Variants in AKAP9 observed in about 807,000 individuals in gnomAD.
The protein encoded by AKAP9 is A-kinase anchor protein 9.
Under a neutral mutation model 488.5 loss-of-function variants are expected in AKAP9, and 311 were observed. That is an observed-to-expected ratio of 0.64 (90% CI 0.58 to 0.70). The LOEUF (loss-of-function observed/expected upper bound fraction) is 0.70. Ranked by LOEUF, AKAP9 falls within the 30% of genes least tolerant of loss-of-function variation. The pLI is 0.00. For missense variants in AKAP9, 4,215 were observed against 4,374.5 expected (o/e 0.96, Z 1.03); for synonymous variants, 1,462 against 1,483.5 (o/e 0.99, Z 0.33).
rs540326047 is a variant in AKAP9, at chr7:92,072,722, C to G, written c.6612+1713C>G. On this transcript the variant is annotated intron_variant, in intron 28 of 49. Transcript: ENST00000356239. ...AATAGAAGGATTTTAGAAAAAGATA[C>G]GTTCCATAGGTTTTAGCTCTCTGTA... 7.3e-5 allele frequency among the ~76,000 whole-genome samples: 11 copies of G among 151,694 alleles called. No homozygotes were observed. In the East Asian group the frequency reaches 1.7e-3, roughly 24 times the overall value.
chr7:92,041,224 T>C (rs1806060374), intron 18 of AKAP9: 1 of 265,234 alleles, frequency 3.8e-6, no homozygotes, highest in Non-Finnish European at 7.2e-6. Context: ...ATTAGCCATA[T>C]ATAGCAAACT....
At chr7:91,963,482 T>A (rs1046371235) in intron 1 of AKAP9, among the ~76,000 whole-genome samples, 39 of 139,316 alleles carry the variant, frequency 2.8e-4, no homozygotes, top group South Asian at 2.0e-3. Context: ...AACATATTTG[T>A]CACACACACA....
At chr7:92,029,575 A>G (rs1803883817) in intron 14 of AKAP9, among the ~76,000 whole-genome samples, 1 of 152,224 alleles carries the variant, frequency 6.6e-6, no homozygotes, top group South Asian at 2.1e-4. Flanking sequence ...TGAGGCCAGG[A>G]GTTTGAGATC....
intron 48 of AKAP9, chr7:92,107,934 G>T (rs764821381): frequency 1.2e-5 from 2 of 170,510 alleles, no homozygotes; most frequent in Admixed American, 1.1e-4. Context: ...CAGGAGAATC[G>T]CTTGAACTCA....
At chr7:92,108,948 G>A (rs1281591929) in intron 49 of AKAP9, 18 of 450,614 alleles carry the variant, frequency 4.0e-5, no homozygotes, top group Non-Finnish European at 6.2e-5. Flanking sequence ...AGTCTACAGA[G>A]CCTAACTGGA....
At chr7:91,976,607 G>A (rs1795731126) in intron 2 of AKAP9, among the ~76,000 whole-genome samples, 1 of 152,202 alleles carries the variant, frequency 6.6e-6, no homozygotes. Flanking sequence ...AGGGACAAAA[G>A]ATGTTACAGC....
intron 40 of AKAP9, 138 bp downstream of exon 40, chr7:92,095,311 A>G: frequency 2.1e-6 from 2 of 945,026 alleles, no homozygotes; most frequent in Non-Finnish European, 3.2e-6. Flanking sequence ...ATTGAATACT[A>G]CATAAACCGT....
intron 37 of AKAP9, among the ~76,000 whole-genome samples, chr7:92,086,736 A>G (rs1015139935): frequency 2.0e-5 from 3 of 152,186 alleles, no homozygotes; most frequent in African/African-American, 7.2e-5. Flanking sequence ...CATTGCTCCT[A>G]AGGGAAATAC....
chr7:91,961,805 C>T (rs1793766180), intron 1 of AKAP9, among the ~76,000 whole-genome samples: 1 of 151,704 alleles, frequency 6.6e-6, no homozygotes. Flanking sequence ...GATCGCGCCA[C>T]TGCACTCCAG....
intron 38 of AKAP9, chr7:92,092,838 A>G: frequency 2.6e-6 from 1 of 382,668 alleles, no homozygotes; most frequent in Non-Finnish European, 4.9e-6. Context: ...GTAGAGACAG[A>G]GTTTCACCAT....
At chr7:92,008,136 G>A (rs994942453) in intron 8 of AKAP9, among the ~76,000 whole-genome samples, 45 of 152,076 alleles carry the variant, frequency 3.0e-4, no homozygotes, top group African/African-American at 9.9e-4. Flanking sequence ...TTGGGAGGCC[G>A]AGGTGGACAG....
At chr7:91,972,113 G>A (rs1431122377) in intron 1 of AKAP9, among the ~76,000 whole-genome samples, 3 of 150,210 alleles carry the variant, frequency 2.0e-5, no homozygotes, top group Non-Finnish European at 2.9e-5. Context: ...ATCCTTGATC[G>A]GTAAGGTCCC....
intron 26 of AKAP9, among the ~76,000 whole-genome samples, chr7:92,068,539 A>C (rs1811165520): frequency 6.6e-6 from 1 of 151,966 alleles, no homozygotes; most frequent in Non-Finnish European, 1.5e-5. Context: ...CTTTTATTTG[A>C]AAAGGTTGGC....
In AKAP9 at chr7:92,079,673, G is replaced by T; in HGVS notation, c.7540G>T (p.Glu2514Ter). Residue 2514 changes from glutamate (E) to a stop codon, truncating the protein, a stop_gained, in exon 31 of 50, where the codon GAA becomes TAA. Transcript: ENST00000356239. LOFTEE classifies it high-confidence loss of function. ...GAGCACTGTTAGTGCAAAGGACTTAGAACTTACCCAGTGTTATAAACAAAT... is the reference window on the plus strand; with the variant it reads ...GAGCACTGTTAGTGCAAAGGACTTATAACTTACCCAGTGTTATAAACAAAT... ...LESTVSAKDL[E>*]LTQCYKQIKD... 6.2e-7 allele frequency: 1 copy of T among 1,614,018 alleles called. No individual in the cohort carries two copies. The highest frequency in any genetic ancestry group is 8.5e-7 in the Non-Finnish European group (1 of 1,179,980).
intron 49 of AKAP9, chr7:92,108,902 A>G (rs1818941326): frequency 2.0e-6 from 1 of 507,466 alleles, no homozygotes; most frequent in African/African-American, 1.9e-5. Flanking sequence ...TGATGACACA[A>G]AATGCACAAT....
intron 21 of AKAP9, among the ~76,000 whole-genome samples, chr7:92,051,824 A>C (rs934663475): frequency 4.6e-5 from 7 of 152,216 alleles, no homozygotes; most frequent in African/African-American, 1.7e-4. Context: ...ACTACATGTA[A>C]TAAAAGAATA....
In AKAP9 at chr7:91,973,785, A is replaced by G; in HGVS notation, c.123A>G (p.Lys41=). Reference sequence around the variant, plus strand: ...CCAAGAAGCAGAAAAAAAAGAGAAAAACGTCAAGCAGTAAACATGATGTGT... The same window carrying G: ...CCAAGAAGCAGAAAAAAAAGAGAAAGACGTCAAGCAGTAAACATGATGTGT... ...SPSKKQKKKR[K]TSSSKHDVSA... is the part of the protein sequence containing the mutation. The change falls in exon 2 of 50, where the codon AAA becomes AAG. Residue 41 remains lysine (K), a synonymous_variant. Coordinates refer to ENST00000356239, the MANE Select transcript of AKAP9 (RefSeq NM_005751.5). The G allele has an allele frequency of 6.2e-7, 1 of 1,614,132 alleles. No homozygotes were observed. The highest frequency in any genetic ancestry group is 1.1e-5 in the South Asian group (1 of 91,078).
intron 36 of AKAP9, 70 bp from the exon 37 acceptor site, chr7:92,086,158 T>C: frequency 8.0e-7 from 1 of 1,251,666 alleles, no homozygotes. Flanking sequence ...TCTTTGTAGA[T>C]TAATATTTTT....
intron 3 of AKAP9, among the ~76,000 whole-genome samples, chr7:91,982,992 A>T (rs1012655996): frequency 2.0e-5 from 3 of 151,752 alleles, no homozygotes; most frequent in Admixed American, 1.3e-4. Context: ...TGCTTTTGAG[A>T]AGTGTCTGTT....
Sources: allele counts gnomAD v4.1 joint callset (sites outside exome capture counted in the v4.1 genomes callset), GRCh38; gene constraint gnomAD v4.1.1; transcripts MANE v1.5; gene names NCBI Gene and HGNC (gene_info 2026-07-23, HGNC 2026-07-21).